Variants in PSMA1 observed in about 807,000 individuals in gnomAD.
PSMA1 encodes the protein proteasome subunit alpha type-1.
A neutral mutation model predicts 38.4 loss-of-function variants in PSMA1; 3 were observed. That is an observed-to-expected ratio of 0.08 (90% CI 0.04 to 0.20). PSMA1 has a LOEUF of 0.20. PSMA1 is among the 10% of genes least tolerant of loss of function. The pLI is 1.00. For missense variants in PSMA1, 227 were observed against 325.3 expected (o/e 0.70, Z 2.32); for synonymous variants, 101 against 107.1 (o/e 0.94, Z 0.35).
chr11:14,542,409 G>GAA (rs977873150), intron 2 of PSMA1, among the ~76,000 whole-genome samples: 1 of 150,546 alleles, frequency 6.6e-6, no homozygotes, highest in Admixed American at 6.6e-5. Context: ...TGTAAGCAGG[G>GAA]AAAAAAAAAC....
chr11:14,541,189 A>T (rs897885829), intron 2 of PSMA1, among the ~76,000 whole-genome samples: 4 of 152,358 alleles, frequency 2.6e-5, no homozygotes, highest in Non-Finnish European at 4.4e-5. Flanking sequence ...ACATGAGAAT[A>T]TATAAAAGGC....
chr11:14,532,530 G>C (rs1045460371), intron 2 of PSMA1, among the ~76,000 whole-genome samples: 1 of 151,742 alleles, frequency 6.6e-6, no homozygotes, highest in Non-Finnish European at 1.5e-5. Context: ...GCTTGAACCT[G>C]GGAGGCAGAG....
intron 2 of PSMA1, among the ~76,000 whole-genome samples, chr11:14,564,325 A>T (rs948799996): frequency 6.6e-6 from 1 of 152,004 alleles, no homozygotes; most frequent in Non-Finnish European, 1.5e-5. Context: ...CTTTTTTTTC[A>T]TTCAGCATAA....
chr11:14,599,070 T>C (rs1852543500), intron 2 of PSMA1, among the ~76,000 whole-genome samples: 1 of 152,118 alleles, frequency 6.6e-6, no homozygotes, highest in African/African-American at 2.4e-5. Context: ...TTGGCCCCCA[T>C]TCTCTTCTGG....
At chr11:14,587,660 A>G (rs1852364847) in intron 2 of PSMA1, among the ~76,000 whole-genome samples, 1 of 151,036 alleles carries the variant, frequency 6.6e-6, no homozygotes, top group African/African-American at 2.4e-5. Context: ...ACAGGCTTGG[A>G]AACTGGAGGG....
At chr11:14,600,028 G>A (rs1852559800) in intron 2 of PSMA1, among the ~76,000 whole-genome samples, 1 of 152,168 alleles carries the variant, frequency 6.6e-6, no homozygotes, top group African/African-American at 2.4e-5. Flanking sequence ...GGAGTTTGCT[G>A]GAGTTCCACT....
chr11:14,513,532 CAAAAAAAAAAAA>C, intron 7 of PSMA1, 26 bp downstream of exon 7: 1 of 1,153,452 alleles, frequency 8.7e-7, no homozygotes, highest in Non-Finnish European at 1.1e-6. Context: ...CTGGAAAAGG[CAAAAAAAAAAAA>C]AAAAAAAAGC....
intron 1 of PSMA1, among the ~76,000 whole-genome samples, chr11:14,628,412 C>T (rs1479682994): frequency 8.3e-5 from 12 of 145,248 alleles, no homozygotes; most frequent in South Asian, 2.3e-4. Context: ...TGAGAATATG[C>T]GGTGTTTGGT....
Position 14,572,246 on chromosome 11 carries a change from T to C in PSMA1, c.21+38720A>G, listed in dbSNP as rs1565047522. On this transcript the variant is annotated intron_variant, in intron 2 of 10. Coordinates refer to the PSMA1 transcript ENST00000418988. Reference sequence around the variant, plus strand: ...GCACCACATCGCACTTATTTCAAAATTGACCACATATTTGGAAGTAAAGCA... The same window carrying C: ...GCACCACATCGCACTTATTTCAAAACTGACCACATATTTGGAAGTAAAGCA... Among the ~76,000 whole-genome samples the C allele has an allele frequency of 5.3e-5, 8 of 152,162 alleles. No homozygotes were observed. The South Asian group carries it at 1.7e-3, about 32-fold the overall frequency.
intron 2 of PSMA1, among the ~76,000 whole-genome samples, chr11:14,610,595 G>A (rs1377597516): frequency 6.6e-6 from 1 of 152,190 alleles, no homozygotes; most frequent in Non-Finnish European, 1.5e-5. Context: ...CAAGCCTTGA[G>A]TGGCATTTCT....
At chr11:14,576,868 C>A (rs1039753552) in intron 2 of PSMA1, among the ~76,000 whole-genome samples, 3 of 152,052 alleles carry the variant, frequency 2.0e-5, no homozygotes, top group East Asian at 3.8e-4. Flanking sequence ...AATTACCTTG[C>A]GCAGTATGGC....
chr11:14,540,947 G>C (rs1851767056), intron 2 of PSMA1, among the ~76,000 whole-genome samples: 1 of 151,978 alleles, frequency 6.6e-6, no homozygotes, highest in Non-Finnish European at 1.5e-5. Flanking sequence ...TGTGGGGTGG[G>C]GGGAGGAGGG....
chr11:14,623,175 A>G (rs368659622), intron 1 of PSMA1, among the ~76,000 whole-genome samples: 1 of 152,332 alleles, frequency 6.6e-6, no homozygotes, highest in Non-Finnish European at 1.5e-5. Context: ...GGTAGCTCAG[A>G]CCAGCATGTC....
chr11:14,589,351 GTA>G (rs1362628753), intron 2 of PSMA1, among the ~76,000 whole-genome samples: 347 of 131,562 alleles, frequency 2.6e-3, no homozygotes, highest in African/African-American at 8.4e-3. Context: ...ATGTGTGTGT[GTA>G]TATATATATA....
At chr11:14,606,409 C>T (rs571479379) in intron 2 of PSMA1, among the ~76,000 whole-genome samples, 1 of 151,202 alleles carries the variant, frequency 6.6e-6, no homozygotes, top group East Asian at 1.9e-4. Flanking sequence ...AGAGTGAGAC[C>T]CTGTCTGAAT....
At chr11:14,633,446 G>T (rs1190331715) in intron 1 of PSMA1, among the ~76,000 whole-genome samples, 1 of 151,986 alleles carries the variant, frequency 6.6e-6, no homozygotes, top group Non-Finnish European at 1.5e-5. Flanking sequence ...CAGTTAGGCT[G>T]CTCGGGGGTC....
At position 14,534,450 on chromosome 11, in the gene PSMA1, G is replaced by A. The variant is rs1565038762; in HGVS notation, c.22-15409C>T. ...AGCTTGCTTTAAACTAGCCTTATCT[G>A]CACCCACTCCCACCTTTTTAAAATT... On this transcript the variant is annotated intron_variant, in intron 2 of 10. Coordinates refer to the PSMA1 transcript ENST00000418988. The surrounding 1 kb of genome is among the most constrained non-coding windows in gnomAD (Gnocchi z 4.5). Among the ~76,000 whole-genome samples, 2 of 152,004 alleles carry A rather than the reference G, an allele frequency of 1.3e-5. No homozygotes were observed. The highest frequency in any genetic ancestry group is 4.8e-5 in the African/African-American group (2 of 41,398).
Position 14,569,494 on chromosome 11 carries a change from T to A in PSMA1, c.21+41472A>T, listed in dbSNP as rs570459922. Among the ~76,000 whole-genome samples the A allele has an allele frequency of 3.9e-5, 6 of 152,134 alleles. No homozygotes were observed. The South Asian group carries it at 1.2e-3, about 32-fold the overall frequency. On this transcript the variant is annotated intron_variant, in intron 2 of 10. Transcript: ENST00000418988. Reference sequence around the variant, plus strand: ...GCCATGACAGACGGTACCTGGAAAATCGGGGCACTCCCACCATAACACTGC... The same window carrying A: ...GCCATGACAGACGGTACCTGGAAAAACGGGGCACTCCCACCATAACACTGC...
intron 2 of PSMA1, among the ~76,000 whole-genome samples, chr11:14,592,885 A>G (rs1341921766): frequency 1.3e-5 from 2 of 152,152 alleles, no homozygotes; most frequent in African/African-American, 4.8e-5. Context: ...CCTATCTAAA[A>G]CAGCCCTTCT....
Sources: allele counts gnomAD v4.1 joint callset (sites outside exome capture counted in the v4.1 genomes callset), GRCh38; gene constraint gnomAD v4.1.1; non-coding constraint Gnocchi (gnomAD v3.1); transcripts MANE v1.5; gene names NCBI Gene and HGNC (gene_info 2026-07-23, HGNC 2026-07-21).